SENP8: variants seen among roughly 807,000 people sequenced by gnomAD.
SENP8 encodes the protein SUMO peptidase family member, NEDD8 specific, also known as sentrin-specific protease 8.
In SENP8, 10 loss-of-function variants were observed where a neutral mutation model predicts 14.4. The observed-to-expected ratio is 0.69, with a 90% confidence interval of 0.43 to 1.18. The LOEUF (loss-of-function observed/expected upper bound fraction) is 1.18, where lower values mean the gene tolerates loss of function less well. Among genes scored for constraint, SENP8 ranks in the 50% most tolerant of loss-of-function variants. The pLI, the probability that SENP8 is intolerant of heterozygous loss-of-function variation, is 0.00. For synonymous variants in SENP8, 94 were observed against 95.5 expected, an observed-to-expected ratio of 0.98 and a Z score of 0.09; for missense variants, 202 against 249.4, an observed-to-expected ratio of 0.81 and a Z score of 1.28.
intron 1 of SENP8, among the ~76,000 whole-genome samples, chr15:72,123,896 G>A (rs2081190037): frequency 6.6e-6 from 1 of 152,140 alleles, no homozygotes. Context: ...TATTTTCATG[G>A]TCAATGACAC....
At chr15:72,118,969 C>A (rs2081110702) in intron 1 of SENP8, among the ~76,000 whole-genome samples, 1 of 151,854 alleles carries the variant, frequency 6.6e-6, no homozygotes. Flanking sequence ...CAAAGAAATA[C>A]GAAAGGAGGT....
upstream of SENP8, among the ~76,000 whole-genome samples, chr15:72,117,527 C>G (rs1172914973): frequency 6.6e-6 from 1 of 152,186 alleles, no homozygotes; most frequent in Non-Finnish European, 1.5e-5. Context: ...GGATCCGGGG[C>G]CGTGATCTGG....
rs962675073 is a variant in SENP8, at chr15:72,140,194, A to C, written c.571A>C (p.Thr191Pro). 1 of 1,614,040 alleles carries C rather than the reference A, an allele frequency of 6.2e-7. No individual in the cohort carries two copies. Residue 191 changes from threonine to proline, a missense_variant, in exon 2 of 2, where the codon ACC becomes CCC. Transcript: ENST00000340912. Reference sequence around the variant, plus strand: ...GACAGAATCACTGCTGCAGCTACTCACCCCTGCATACATCACAAAGAAGAG... The same window carrying C: ...GACAGAATCACTGCTGCAGCTACTCCCCCCTGCATACATCACAAAGAAGAG... Reference protein sequence around the residue: ...QQTESLLQLLTPAYITKKRGE... With the variant: ...QQTESLLQLLPPAYITKKRGE...
At chr15:72,116,181 G>A (rs901170954), upstream of SENP8, among the ~76,000 whole-genome samples, 1 of 152,168 alleles carries the variant, frequency 6.6e-6, no homozygotes, top group Non-Finnish European at 1.5e-5. Context: ...GGAGAGTGAA[G>A]GCGGAACAGA....
chr15:72,117,688 C>A, upstream of SENP8: 1 of 396,744 alleles, frequency 2.5e-6, no homozygotes, highest in Non-Finnish European at 4.4e-6. Flanking sequence ...ACCTCGGGCT[C>A]CGCCGCGGTG....
At chr15:72,123,092 T>C (rs1489018955) in intron 1 of SENP8, among the ~76,000 whole-genome samples, 1 of 152,242 alleles carries the variant, frequency 6.6e-6, no homozygotes, top group African/African-American at 2.4e-5. Context: ...TAATGAGCAA[T>C]TTGTAATGAC....
At chr15:72,130,011 C>A (rs4454922) in intron 1 of SENP8, among the ~76,000 whole-genome samples, 93,202 of 151,468 alleles carry the variant, frequency 0.62, 30,656 homozygotes, top group Non-Finnish European at 0.74. Flanking sequence ...CATGGTGAAA[C>A]CCCGTCTCTA....
intron 1 of SENP8, among the ~76,000 whole-genome samples, chr15:72,129,319 A>G (rs1233507774): frequency 6.6e-6 from 1 of 151,922 alleles, no homozygotes; most frequent in Non-Finnish European, 1.5e-5. Flanking sequence ...CACTGGAGCC[A>G]AGGAGTTCAA....
intron 1 of SENP8, among the ~76,000 whole-genome samples, chr15:72,129,393 G>A (rs527811288): frequency 3.9e-4 from 59 of 151,162 alleles, no homozygotes; most frequent in African/African-American, 1.3e-3. Flanking sequence ...AGACAGTTTC[G>A]CTGTTGTTGC....
chr15:72,133,978 T>G (rs1187471431), intron 1 of SENP8, among the ~76,000 whole-genome samples: 1 of 152,182 alleles, frequency 6.6e-6, no homozygotes, highest in Admixed American at 6.5e-5. Flanking sequence ...GGATGGAGTC[T>G]CGCTCTGTCA....
At chr15:72,116,499 A>G (rs2080983548), upstream of SENP8, among the ~76,000 whole-genome samples, 1 of 152,194 alleles carries the variant, frequency 6.6e-6, no homozygotes, top group Non-Finnish European at 1.5e-5. Flanking sequence ...TGATTTCTGT[A>G]CTTGCTTCTT....
rs1295490316 is a variant in SENP8 at position 72,142,261 on chromosome 15, A to G, written c.*1999A>G. 7 of 152,200 alleles carry G rather than the reference A, an allele frequency of 4.6e-5. No homozygotes were observed. The South Asian group carries it at 6.2e-4, about 13-fold the overall frequency. The allele number at this position is 152,200 out of a possible 1,614,324, so 9.4% of individuals were successfully genotyped here. On this transcript the variant is annotated 3_prime_UTR_variant, in exon 2 of 2. Transcript: ENST00000340912. The stretch of plus-strand genomic sequence containing the variant: ...CTGTGCCACAGATTAGTGTCCTCCT[A>G]TGAAATTTTGAGTATGTCATTTGTA...
intron 1 of SENP8, among the ~76,000 whole-genome samples, chr15:72,126,795 A>G (rs2081225046): frequency 6.6e-6 from 1 of 152,184 alleles, no homozygotes; most frequent in Admixed American, 6.5e-5. Flanking sequence ...AGACTCTCTC[A>G]TTGATTTGTA....
chr15:72,139,525 T>C (rs1417086693), intron 1 of SENP8, 52 bp from the exon 2 acceptor site: 3 of 1,485,212 alleles, frequency 2.0e-6, no homozygotes, highest in Non-Finnish European at 2.7e-6. Flanking sequence ...ACTACTATTT[T>C]CCAGCCGCAT....
chr15:72,139,659 A>G lies in SENP8; in HGVS notation c.36A>G (p.Leu12=). ...TAGTCTTGAGTTACATGGACAGTCT[A>G]CTGCGGCAATCAGATGTCTCACTAT... The part of the protein sequence containing the change: ...DPVVLSYMDS[L]LRQSDVSLLD... The change falls in exon 2 of 2, where the codon CTA becomes CTG. Residue 12 remains leucine, a synonymous_variant. Transcript: ENST00000340912. 1.2e-6 allele frequency: 2 copies of G among 1,614,196 alleles called. No individual in the cohort carries two copies. The highest frequency in any genetic ancestry group is 1.7e-6 in the Non-Finnish European group (2 of 1,180,034).
upstream of SENP8, among the ~76,000 whole-genome samples, chr15:72,115,592 T>A (rs956927767): frequency 6.6e-6 from 1 of 152,232 alleles, no homozygotes; most frequent in African/African-American, 2.4e-5. Flanking sequence ...AACCCTAATA[T>A]TCCTGGCCTT....
At chr15:72,119,073 A>G (rs1202711317) in intron 1 of SENP8, among the ~76,000 whole-genome samples, 2 of 152,244 alleles carry the variant, frequency 1.3e-5, no homozygotes, top group African/African-American at 4.8e-5. Flanking sequence ...GTACTAGTGT[A>G]GACTTCCCTT....
chr15:72,137,320 A>C (rs2081336624), intron 1 of SENP8, among the ~76,000 whole-genome samples: 1 of 151,756 alleles, frequency 6.6e-6, no homozygotes, highest in Admixed American at 6.6e-5. Context: ...AAACAAGGAC[A>C]AAGTCATTTA....
At chr15:72,136,554 A>G (rs896246665) in intron 1 of SENP8, among the ~76,000 whole-genome samples, 1 of 152,168 alleles carries the variant, frequency 6.6e-6, no homozygotes, top group African/African-American at 2.4e-5. Flanking sequence ...GTGTCTACAT[A>G]AAACCATGTT....
Sources: gnomAD v4.1 joint callset for allele counts (sites outside exome capture counted in the v4.1 genomes callset) on GRCh38, gnomAD v4.1.1 for gene constraint, MANE v1.5 for transcripts, NCBI Gene and HGNC (gene_info 2026-07-23, HGNC 2026-07-21) for gene names.